The following COL13A1 variants were observed in gnomAD, a reference collection of about 807,000 sequenced individuals.
COL13A1 encodes the protein collagen type XIII alpha 1 chain.
Under a neutral mutation model 130.9 loss-of-function variants are expected in COL13A1, and 89 were observed. That is an observed-to-expected ratio of 0.68 (90% confidence interval 0.57 to 0.81). The LOEUF (loss-of-function observed/expected upper bound fraction) is 0.81. COL13A1 is among the 30% of genes least tolerant of loss of function. COL13A1 has a pLI of 0.00. For synonymous variants in COL13A1, 402 were observed against 341.6 expected, an observed-to-expected ratio of 1.18 and a Z score of -1.95; for missense variants, 879 against 934.6, an observed-to-expected ratio of 0.94 and a Z score of 0.78.
chr10:69,939,292 G>A (rs78026968), intron 34 of COL13A1, among the ~76,000 whole-genome samples: 4,316 of 152,172 alleles, frequency 0.028, 79 homozygotes, highest in Non-Finnish European at 0.035. Context: ...AGGCGGAGCT[G>A]GTATTTCTGG....
intron 17 of COL13A1, among the ~76,000 whole-genome samples, chr10:69,907,867 T>G (rs1443368668): frequency 6.6e-6 from 1 of 152,264 alleles, no homozygotes; most frequent in African/African-American, 2.4e-5. Flanking sequence ...ATTAATTTAT[T>G]CATGAGGGCA....
intron 2 of COL13A1, among the ~76,000 whole-genome samples, chr10:69,867,513 G>A (rs937071232): frequency 2.0e-5 from 3 of 152,208 alleles, no homozygotes; most frequent in Admixed American, 6.5e-5. Flanking sequence ...CGTAGAGCCC[G>A]TTTTGTGGGG....
chr10:69,835,395 C>T (rs1048793724), intron 2 of COL13A1, among the ~76,000 whole-genome samples: 2 of 152,118 alleles, frequency 1.3e-5, no homozygotes, highest in African/African-American at 4.8e-5. Flanking sequence ...CCTGGACCCA[C>T]CCAGGCTGCC....
chr10:69,845,553 A>T (rs150300797), intron 2 of COL13A1, among the ~76,000 whole-genome samples: 11 of 152,056 alleles, frequency 7.2e-5, no homozygotes, highest in African/African-American at 2.4e-4. Context: ...CAAAGTAGGC[A>T]TCCCCAACCC....
intron 2 of COL13A1, among the ~76,000 whole-genome samples, chr10:69,833,781 C>G (rs3847353): frequency 0.13 from 19,996 of 152,162 alleles, 1,466 homozygotes; most frequent in African/African-American, 0.19. Flanking sequence ...ACACCCCACT[C>G]TGGGAAATGA....
chr10:69,865,827 G>C (rs184138733), intron 2 of COL13A1, among the ~76,000 whole-genome samples: 8 of 152,248 alleles, frequency 5.3e-5, no homozygotes, highest in South Asian at 4.1e-4. Context: ...ATTGCAGGGT[G>C]GGGGGTAGGT....
At chr10:69,827,267 CAGGCTG>C (rs1847722923) in intron 2 of COL13A1, among the ~76,000 whole-genome samples, 1 of 152,162 alleles carries the variant, frequency 6.6e-6, no homozygotes, top group African/African-American at 2.4e-5. Flanking sequence ...TACAAAGAGT[CAGGCTG>C]AGGCTGCCCG....
intron 31 of COL13A1, among the ~76,000 whole-genome samples, chr10:69,932,838 C>G (rs12770259): frequency 6.6e-6 from 1 of 152,134 alleles, no homozygotes; most frequent in Non-Finnish European, 1.5e-5. Context: ...TCTGGAGATA[C>G]GAAAATAAAC....
intron 7 of COL13A1, among the ~76,000 whole-genome samples, chr10:69,883,844 G>A (rs1434176836): frequency 1.3e-5 from 2 of 152,214 alleles, no homozygotes; most frequent in Non-Finnish European, 2.9e-5. Flanking sequence ...CATGCAGCAT[G>A]TTTAGAAGAG....
intron 13 of COL13A1, chr10:69,897,350 C>T: frequency 5.9e-6 from 6 of 1,012,622 alleles, no homozygotes; most frequent in South Asian, 1.6e-5. Context: ...TCCTCCATTC[C>T]AGCCTGTGGC....
chr10:69,867,066 G>A (rs564186834), intron 2 of COL13A1, among the ~76,000 whole-genome samples: 23 of 152,016 alleles, frequency 1.5e-4, no homozygotes, highest in Non-Finnish European at 2.9e-4. Flanking sequence ...TCTCCCTCTC[G>A]GAACACTTGA....
intron 2 of COL13A1, among the ~76,000 whole-genome samples, chr10:69,835,115 G>GCA (rs1024518382): frequency 2.1e-4 from 32 of 152,306 alleles, no homozygotes; most frequent in Admixed American, 1.8e-3. Context: ...CCTGCCCGCA[G>GCA]CACACATGGG....
In COL13A1 at chr10:69,887,440, G is replaced by GTTTTTGT. The variant is rs749074822; in HGVS notation, c.514-11_514-10insGTTTTTT. The GTTTTTGT allele has an allele frequency of 1.4e-6, 2 of 1,469,804 alleles. No individual in the cohort carries two copies. The highest frequency in any genetic ancestry group is 9.3e-7 in the Non-Finnish European group (1 of 1,070,894). The allele number at this position is 1,469,804 out of a possible 1,614,324, so 91.0% of individuals were successfully genotyped here. On this transcript the variant is annotated splice_polypyrimidine_tract_variant and intron_variant, in intron 7 of 40. Transcript: ENST00000645393. ...CCTTGCTCAATCTCATGTGTCTCTT[G>GTTTTTGT]TTTTTTTTTTTTCAGGGTCAACCAG...
chr10:69,941,329 T>C (rs1026382863), intron 35 of COL13A1, among the ~76,000 whole-genome samples: 2 of 152,204 alleles, frequency 1.3e-5, no homozygotes, highest in African/African-American at 4.8e-5. Flanking sequence ...GAGTCCAGCC[T>C]GGGTGCCCAG....
At chr10:69,805,287 A>C (rs1450746888) in intron 1 of COL13A1, among the ~76,000 whole-genome samples, 1 of 152,220 alleles carries the variant, frequency 6.6e-6, no homozygotes, top group Non-Finnish European at 1.5e-5. Flanking sequence ...AGGCTGCTGC[A>C]GGCCAGAGGG....
At chr10:69,817,696 G>T (rs1564745431) in intron 1 of COL13A1, among the ~76,000 whole-genome samples, 1 of 152,020 alleles carries the variant, frequency 6.6e-6, no homozygotes, top group South Asian at 2.1e-4. Flanking sequence ...GGTGCAGACA[G>T]GGGGTGGTGA....
intron 2 of COL13A1, among the ~76,000 whole-genome samples, chr10:69,853,739 G>A (rs569604167): frequency 2.0e-5 from 3 of 152,270 alleles, no homozygotes; most frequent in East Asian, 1.9e-4. Context: ...TAAAGATGTC[G>A]TTTCCAAGGC....
intron 9 of COL13A1, among the ~76,000 whole-genome samples, chr10:69,888,667 G>A (rs1343214454): frequency 6.6e-6 from 1 of 152,074 alleles, no homozygotes; most frequent in African/African-American, 2.4e-5. Context: ...TGAAGAGCCT[G>A]GCCACTCATG....
At chr10:69,892,083 A>G (rs1030968520) in intron 10 of COL13A1, among the ~76,000 whole-genome samples, 13 of 152,120 alleles carry the variant, frequency 8.5e-5, no homozygotes, top group African/African-American at 3.1e-4. Context: ...CTCAACAGAA[A>G]AGGCAGGCCC....
Sources: allele counts gnomAD v4.1 joint callset (sites outside exome capture counted in the v4.1 genomes callset), GRCh38; gene constraint gnomAD v4.1.1; transcripts MANE v1.5; gene names NCBI Gene and HGNC (gene_info 2026-07-23, HGNC 2026-07-21).